The following THSD7B variants were observed in gnomAD, a reference collection of about 807,000 sequenced individuals.
The protein encoded by THSD7B is thrombospondin type-1 domain-containing protein 7B.
In THSD7B, 138 loss-of-function variants were observed where a neutral mutation model predicts 213.6. The observed-to-expected ratio is 0.65, with a 90% CI of 0.56 to 0.74. THSD7B has a LOEUF of 0.74. Among genes scored for constraint, THSD7B ranks in the 30% least tolerant of loss-of-function variants. The pLI, the probability that THSD7B is intolerant of heterozygous loss-of-function variation, is 0.00. For synonymous variants in THSD7B, 742 were observed against 687.0 expected, an observed-to-expected ratio of 1.08 and a Z score of -1.25; for missense variants, 1,931 against 1,991.5, an observed-to-expected ratio of 0.97 and a Z score of 0.58.
rs369496847 is a variant in THSD7B, at chr2:137,231,096, G to A, written c.1776G>A (p.Lys592=). The change falls in exon 8 of 28, where the codon AAG becomes AAA. Residue 592 remains lysine, a synonymous_variant. Transcript: ENST00000409968. ...LCPVPPPPER[K]SCEIPCRMDC... ...CAGTTCCCCCTCCTCCTGAGAGGAAGTCTTGTGAAATTCCCTGCCGAATGG... is the reference window on the plus strand; with the variant it reads ...CAGTTCCCCCTCCTCCTGAGAGGAAATCTTGTGAAATTCCCTGCCGAATGG... The A allele has an allele frequency of 7.9e-5, 127 of 1,613,830 alleles. 1 individual carries two copies. In the East Asian group the frequency reaches 1.5e-3, roughly 19 times the overall value.
chr2:137,367,943 G>A (rs965818204), intron 12 of THSD7B, among the ~76,000 whole-genome samples: 5 of 152,120 alleles, frequency 3.3e-5, no homozygotes, highest in Non-Finnish European at 5.9e-5. Context: ...TTGGGGTTTA[G>A]GGATACAACT....
intron 12 of THSD7B, among the ~76,000 whole-genome samples, chr2:137,327,009 C>T (rs1030987858): frequency 6.6e-6 from 1 of 152,154 alleles, no homozygotes; most frequent in Non-Finnish European, 1.5e-5. Context: ...TGATTCTTTC[C>T]TGCAAAACAC....
At chr2:137,442,783 G>A (rs1260818676) in intron 14 of THSD7B, among the ~76,000 whole-genome samples, 3 of 152,114 alleles carry the variant, frequency 2.0e-5, no homozygotes, top group Non-Finnish European at 4.4e-5. Context: ...TACAAGATAT[G>A]CTCAGAAATC....
At chr2:137,328,656 G>A (rs963529601) in intron 12 of THSD7B, among the ~76,000 whole-genome samples, 4 of 152,184 alleles carry the variant, frequency 2.6e-5, no homozygotes, top group Non-Finnish European at 5.9e-5. Context: ...TGGTTTGGCT[G>A]TGTCCCCACC....
At position 137,125,089 on chromosome 2, in the gene THSD7B, G is replaced by T. The variant is rs374712366; in HGVS notation, c.1369+9796G>T. Among the ~76,000 whole-genome samples the T allele has an allele frequency of 1.2e-4, 19 of 152,108 alleles. No individual in the cohort carries two copies. The South Asian group carries it at 3.5e-3, about 28-fold the overall frequency. The stretch of plus-strand genomic sequence containing the variant: ...CCATTTCTATTTGAATAATCTATGG[G>T]CATTTACAATTTAGTTTTTCTTTTA... On this transcript the variant is annotated intron_variant, in intron 5 of 27. Transcript: ENST00000409968.
At chr2:137,643,048 C>G (rs1682968265) in intron 21 of THSD7B, among the ~76,000 whole-genome samples, 1 of 152,148 alleles carries the variant, frequency 6.6e-6, no homozygotes, top group African/African-American at 2.4e-5. Context: ...TAGACAAAAT[C>G]TTGCATATGA....
At chr2:137,164,186 A>C (rs144339120) in intron 6 of THSD7B, among the ~76,000 whole-genome samples, 1 of 152,150 alleles carries the variant, frequency 6.6e-6, no homozygotes, top group Non-Finnish European at 1.5e-5. Flanking sequence ...TTGTGCTGAG[A>C]GTAGCTTAAG....
At chr2:137,135,227 T>A (rs1010182142) in intron 5 of THSD7B, among the ~76,000 whole-genome samples, 12 of 152,222 alleles carry the variant, frequency 7.9e-5, no homozygotes, top group Non-Finnish European at 7.3e-5. Context: ...CTAATTTTTC[T>A]TAACATAAAG....
chr2:136,876,396 G>T (rs985609698), intron 1 of THSD7B, among the ~76,000 whole-genome samples: 1 of 152,060 alleles, frequency 6.6e-6, no homozygotes, highest in African/African-American at 2.4e-5. Flanking sequence ...TATATAATTG[G>T]CAATGATGTC....
intron 2 of THSD7B, among the ~76,000 whole-genome samples, chr2:136,903,505 T>G (rs1684095471): frequency 6.6e-6 from 1 of 152,188 alleles, no homozygotes; most frequent in South Asian, 2.1e-4. Flanking sequence ...GTAACATATG[T>G]TTTTCTCATG....
chr2:137,271,131 A>T (rs763148150), intron 10 of THSD7B, among the ~76,000 whole-genome samples: 1 of 151,588 alleles, frequency 6.6e-6, no homozygotes, highest in East Asian at 1.9e-4. Context: ...TAGGTCTATT[A>T]TTTGTACCAA....
Position 137,398,196 on chromosome 2 carries a change from G to A in THSD7B, c.2501-7417G>A, listed in dbSNP as rs1256875323. On this transcript the variant is annotated intron_variant, in intron 12 of 27. Transcript: ENST00000409968. ...GTCATTCTCCATCCAGCTTTGTTCCGTTGCTGGTGAGGAACTGCGTTCCTT... is the reference window on the plus strand; with the variant it reads ...GTCATTCTCCATCCAGCTTTGTTCCATTGCTGGTGAGGAACTGCGTTCCTT... 1.3e-4 allele frequency among the ~76,000 whole-genome samples: 19 copies of A among 149,880 alleles called. No individual in the cohort carries two copies. In the East Asian group the frequency reaches 1.4e-3, roughly 11 times the overall value.
chr2:137,076,608 G>T (rs569359920), intron 3 of THSD7B, among the ~76,000 whole-genome samples: 1 of 152,188 alleles, frequency 6.6e-6, no homozygotes, highest in African/African-American at 2.4e-5. Flanking sequence ...TGGGCCTACT[G>T]TCTGGCACTG....
chr2:137,026,655 C>T (rs1257658641), intron 2 of THSD7B, among the ~76,000 whole-genome samples: 4 of 152,148 alleles, frequency 2.6e-5, no homozygotes, highest in Admixed American at 2.6e-4. Flanking sequence ...TTTGCTTCCT[C>T]AAACCCATGC....
At chr2:137,650,503 A>G (rs2104812041) in intron 21 of THSD7B, among the ~76,000 whole-genome samples, 1 of 152,272 alleles carries the variant, frequency 6.6e-6, no homozygotes, top group Non-Finnish European at 1.5e-5. Flanking sequence ...GGTTTTTGTA[A>G]GTATAAGATC....
At chr2:137,226,407 C>T (rs1322230350) in intron 7 of THSD7B, among the ~76,000 whole-genome samples, 1 of 151,124 alleles carries the variant, frequency 6.6e-6, no homozygotes, top group Admixed American at 6.6e-5. Flanking sequence ...TCTTTAGACA[C>T]CTGTACTCTA....
chr2:136,918,253 G>C (rs1205540587), intron 2 of THSD7B, among the ~76,000 whole-genome samples: 1 of 152,106 alleles, frequency 6.6e-6, no homozygotes, highest in Non-Finnish European at 1.5e-5. Context: ...TCTGACTTCT[G>C]ATGGAGGAAC....
intron 7 of THSD7B, among the ~76,000 whole-genome samples, chr2:137,191,067 C>T (rs189706039): frequency 1.1e-4 from 17 of 152,298 alleles, no homozygotes; most frequent in Admixed American, 3.3e-4. Context: ...TCCTGGGGCC[C>T]GAGCAGGGTT....
At chr2:137,582,821 G>A (rs1681611600) in intron 17 of THSD7B, among the ~76,000 whole-genome samples, 1 of 152,138 alleles carries the variant, frequency 6.6e-6, no homozygotes, top group South Asian at 2.1e-4. Flanking sequence ...TGTCTTTATA[G>A]CAGCATGATT....
Sources: gnomAD v4.1 joint callset for allele counts (sites outside exome capture counted in the v4.1 genomes callset) on GRCh38, gnomAD v4.1.1 for gene constraint, MANE v1.5 for transcripts, NCBI Gene and HGNC (gene_info 2026-07-23, HGNC 2026-07-21) for gene names.